Variants in RCBTB2 observed in about 807,000 individuals in gnomAD.
The protein encoded by RCBTB2 is RCC1 and BTB domain containing protein 2.
Under a neutral mutation model 65.4 loss-of-function variants are expected in RCBTB2, and 55 were observed. The observed-to-expected ratio is 0.84, with a 90% CI of 0.68 to 1.05. The LOEUF (loss-of-function observed/expected upper bound fraction) is 1.05. Among genes scored for constraint, RCBTB2 ranks in the 50% least tolerant of loss-of-function variants. The pLI, the probability that RCBTB2 is intolerant of heterozygous loss-of-function variation, is 0.00. For missense variants in RCBTB2, 599 were observed against 680.1 expected, an observed-to-expected ratio of 0.88 and a Z score of 1.33; for synonymous variants, 220 against 255.2, an observed-to-expected ratio of 0.86 and a Z score of 1.31.
At chr13:48,495,259 A>T (rs1949918428) in intron 14 of RCBTB2, among the ~76,000 whole-genome samples, 1 of 152,188 alleles carries the variant, frequency 6.6e-6, no homozygotes, top group South Asian at 2.1e-4. Flanking sequence ...AAATAAGCAA[A>T]GAGAAGAAAA....
rs1950736144 is a variant in RCBTB2, at chr13:48,510,695, C to G, written c.860G>C (p.Gly287Ala). Residue 287 changes from glycine to alanine, a missense_variant, in exon 10 of 15, where the codon GGG becomes GCG. Coordinates refer to ENST00000344532, the MANE Select transcript of RCBTB2 (RefSeq NM_001268.4). ...QVYAWGANSY[G>A]QLGTGNKSNQ... ...GCTTTTATTGCCAGTGCCCAACTGC[C>G]CATAAGAATTGGCGCCCCAAGCATA... 5 of 1,614,122 alleles carry G rather than the reference C, an allele frequency of 3.1e-6. No individual in the cohort carries two copies. The highest frequency in any genetic ancestry group is 4.2e-6 in the Non-Finnish European group (5 of 1,180,020).
intron 10 of RCBTB2, among the ~76,000 whole-genome samples, chr13:48,508,529 A>G (rs1038214748): frequency 6.6e-5 from 10 of 151,672 alleles, no homozygotes; most frequent in African/African-American, 2.4e-4. Context: ...TCAGCCTCCC[A>G]AGTAACTGGG....
chr13:48,491,956 G>A (rs937937448), intron 14 of RCBTB2, among the ~76,000 whole-genome samples: 5 of 152,272 alleles, frequency 3.3e-5, no homozygotes, highest in Admixed American at 3.3e-4. Flanking sequence ...TTATTTTTCA[G>A]TTAAAGAATT....
chr13:48,494,381 A>G (rs1485689872), intron 14 of RCBTB2, among the ~76,000 whole-genome samples: 3 of 152,202 alleles, frequency 2.0e-5, no homozygotes, highest in African/African-American at 7.2e-5. Context: ...ATAGTCTATT[A>G]TACTAATTTA....
chr13:48,490,153 G>C lies in RCBTB2; in HGVS notation c.1614C>G (p.Asn538Lys). The change falls in exon 15 of 15, where the codon AAC becomes AAG. Residue 538 changes from asparagine to lysine, a missense_variant. Asn to Lys is a moderately conservative substitution (Grantham distance 94). Transcript: ENST00000344532. Reference sequence around the variant, plus strand: ...CAACTCTGCTTGCTTTGCTGATAAAGTTCTTCAGGAGATCATGGTCCATTT... The same window carrying C: ...CAACTCTGCTTGCTTTGCTGATAAACTTCTTCAGGAGATCATGGTCCATTT... ...FAEMDHDLLK[N>K]FISKASRVGA... The C allele has an allele frequency of 6.2e-7, 1 of 1,614,096 alleles. No homozygotes were observed. Among genetic ancestry groups the C allele is most frequent in the Non-Finnish European group, 8.5e-7 (1 of 1,179,990 alleles).
At chr13:48,497,677 GATTTC>G (rs1950040163) in intron 13 of RCBTB2, among the ~76,000 whole-genome samples, 2 of 152,170 alleles carry the variant, frequency 1.3e-5, no homozygotes, top group Non-Finnish European at 2.9e-5. Flanking sequence ...AAAGAGCAGG[GATTTC>G]ATCAATTTTA....
chr13:48,493,995 T>C lies in RCBTB2; in HGVS notation c.1515+2196A>G, dbSNP rs9332061. Among the ~76,000 whole-genome samples, 105 of 152,208 alleles carry C rather than the reference T, an allele frequency of 6.9e-4. 1 individual carries two copies. Among genetic ancestry groups the C allele is most frequent in the Admixed American group, 1.6e-3 (25 of 15,274 alleles). On this transcript the variant is annotated intron_variant, in intron 14 of 14. Transcript: ENST00000344532. The stretch of plus-strand genomic sequence containing the variant: ...CCTGATTTCAAAATACTGAGGACAA[T>C]GGAGAATTGTAGTTAAACATGCGGT...
chr13:48,495,554 G>A (rs909720412), intron 14 of RCBTB2, among the ~76,000 whole-genome samples: 1 of 152,092 alleles, frequency 6.6e-6, no homozygotes. Flanking sequence ...AAGTCTTTGT[G>A]CAAATCCATG....
chr13:48,524,693 G>A lies in RCBTB2; in HGVS notation c.-154C>T, dbSNP rs1485581379. The A allele has an allele frequency of 6.6e-6, 1 of 152,126 alleles. No homozygotes were observed. The highest frequency in any genetic ancestry group is 1.9e-4 in the East Asian group (1 of 5,198). 9.4% of individuals were successfully genotyped at this position (152,126 alleles called of 1,614,324 possible). Reference sequence around the variant, plus strand: ...TTAAATTTCTGGAACCCAGTATTCAGTCATCTTTAATCCTGTTCCTTTTAG... The same window carrying A: ...TTAAATTTCTGGAACCCAGTATTCAATCATCTTTAATCCTGTTCCTTTTAG... On this transcript the variant is annotated 5_prime_UTR_variant, in exon 2 of 15. Coordinates refer to ENST00000344532, the MANE Select transcript of RCBTB2 (RefSeq NM_001268.4).
chr13:48,529,963 TCA>T (rs1322318818), intron 1 of RCBTB2, among the ~76,000 whole-genome samples: 1 of 152,190 alleles, frequency 6.6e-6, no homozygotes, highest in Non-Finnish European at 1.5e-5. Flanking sequence ...TGATCATGAC[TCA>T]CTGCAGCCTC....
chr13:48,524,137 T>G (rs528784606), intron 2 of RCBTB2, among the ~76,000 whole-genome samples: 12 of 152,276 alleles, frequency 7.9e-5, no homozygotes, highest in South Asian at 6.2e-4. Context: ...TATTTCAATG[T>G]GATGCATACA....
rs369329602 is a variant in RCBTB2 at position 48,502,731 on chromosome 13, G to A, written c.1110C>T (p.Leu370=). ...GGACAGTGACCAGCTTACCCACGGAGAGGAGGCGCCACGTGACGGCGGGCG... is the reference window on the plus strand; with the variant it reads ...GGACAGTGACCAGCTTACCCACGGAAAGGAGGCGCCACGTGACGGCGGGCG... ...FATPAVTWRL[L]SVEPDDHLTV... is the part of the protein sequence containing the mutation. Residue 370 remains leucine (L), a synonymous_variant, in exon 11 of 15, where the codon CTC becomes CTT. Coordinates refer to ENST00000344532, the MANE Select transcript of RCBTB2 (RefSeq NM_001268.4). 2 of 1,610,796 alleles carry A rather than the reference G, an allele frequency of 1.2e-6. No individual in the cohort carries two copies. The highest frequency in any genetic ancestry group is 1.3e-5 in the African/African-American group (1 of 74,862).
At chr13:48,520,697 T>TA (rs1698424984) in intron 4 of RCBTB2, among the ~76,000 whole-genome samples, 1 of 152,332 alleles carries the variant, frequency 6.6e-6, no homozygotes, top group African/African-American at 2.4e-5. Context: ...GATACCTGTA[T>TA]AACTATGCTT....
intron 4 of RCBTB2, among the ~76,000 whole-genome samples, chr13:48,517,915 G>A (rs1465053024): frequency 3.9e-5 from 6 of 152,054 alleles, no homozygotes; most frequent in Admixed American, 3.9e-4. Flanking sequence ...TGGACCCTAC[G>A]TCCAATGACT....
At chr13:48,511,356 C>G (rs144919275) in intron 9 of RCBTB2, among the ~76,000 whole-genome samples, 1 of 152,114 alleles carries the variant, frequency 6.6e-6, no homozygotes, top group African/African-American at 2.4e-5. Context: ...CATTAACTTA[C>G]GATTTGATTA....
At chr13:48,527,350 ATGATATATATT>A (rs1165193180) in intron 1 of RCBTB2, among the ~76,000 whole-genome samples, 45 of 120,420 alleles carry the variant, frequency 3.7e-4, no homozygotes, top group African/African-American at 2.0e-3. Flanking sequence ...ATATATATAT[ATGATATATATT>A]TATATATGAT....
At chr13:48,493,315 A>ACACTCTCTCTCTCTCTCT (rs759504798) in intron 14 of RCBTB2, among the ~76,000 whole-genome samples, 1 of 75,026 alleles carries the variant, frequency 1.3e-5, no homozygotes, top group African/African-American at 6.0e-5. Context: ...ACACACACAC[A>ACACTCTCTCTCTCTCTCT]CTCTCTCTCT....
chr13:48,529,134 C>A (rs568276043), intron 1 of RCBTB2, among the ~76,000 whole-genome samples: 13 of 152,086 alleles, frequency 8.5e-5, no homozygotes, highest in African/African-American at 3.1e-4. Context: ...GAAAAATAAC[C>A]AACATAAATG....
rs753542670 is a variant in RCBTB2, at chr13:48,502,800, G to A, written c.1041C>T (p.Leu347=). The A allele has an allele frequency of 6.2e-7, 1 of 1,614,218 alleles. No individual in the cohort carries two copies. The change falls in exon 11 of 15, where the codon CTC becomes CTT. Residue 347 remains leucine (L), a synonymous_variant. Transcript: ENST00000344532. ...CRGQSVILPH[L]THFSCTDDVF... is the part of the protein sequence containing the mutation. ...CGTCGTCAGTGCAGGAGAAGTGGGT[G>A]AGGTGCGGGAGGATCACGGACTGAC...
Sources: allele counts gnomAD v4.1 joint callset (sites outside exome capture counted in the v4.1 genomes callset), GRCh38; gene constraint gnomAD v4.1.1; transcripts MANE v1.5; gene names NCBI Gene and HGNC (gene_info 2026-07-23, HGNC 2026-07-21).